STAT5B: variants seen among roughly 807,000 people sequenced by gnomAD.
STAT5B encodes transcription factor STAT5B.
STAT5B carries 21 observed loss-of-function variants against 107.8 expected under a neutral mutation model. That is an observed-to-expected ratio of 0.19 (90% CI 0.14 to 0.28). The LOEUF (loss-of-function observed/expected upper bound fraction) is 0.28. Ranked by LOEUF, STAT5B falls within the 10% of genes least tolerant of loss-of-function variation. STAT5B has a pLI of 1.00. For missense variants in STAT5B, 565 were observed against 1,008.2 expected, an observed-to-expected ratio of 0.56 and a Z score of 5.95; for synonymous variants, 325 against 401.7, an observed-to-expected ratio of 0.81 and a Z score of 2.28.
intron 1 of STAT5B, among the ~76,000 whole-genome samples, chr17:42,245,580 T>A (rs980192690): frequency 2.0e-5 from 3 of 151,882 alleles, no homozygotes; most frequent in Non-Finnish European, 2.9e-5. Flanking sequence ...TGGAGTGTAA[T>A]GGCGCGATCT....
At chr17:42,256,861 CAAAAAAAAAAAAAAAA>C (rs781345676) in intron 1 of STAT5B, among the ~76,000 whole-genome samples, 1 of 44,820 alleles carries the variant, frequency 2.2e-5, no homozygotes, top group African/African-American at 9.4e-5. Flanking sequence ...GACTCTGTCT[CAAAAAAAAAAAAAAAA>C]AAAAAAAAAA....
At position 42,223,481 on chromosome 17, in the gene STAT5B, G is replaced by C; in HGVS notation, c.451C>G (p.Leu151Val). The C allele has an allele frequency of 6.2e-7, 1 of 1,614,174 alleles. No individual in the cohort carries two copies. Among genetic ancestry groups the C allele is most frequent in the Non-Finnish European group, 8.5e-7 (1 of 1,180,042 alleles). Residue 151 changes from leucine (L) to valine (V), a missense_variant, in exon 5 of 19, where the codon CTG (leucine) becomes GTG (valine). This residue lies in a region of STAT5B where 54 missense variants were observed against 49.7 expected (regional missense o/e 1.09). Coordinates refer to ENST00000293328, the MANE Select transcript of STAT5B (RefSeq NM_012448.4). ...HLQINQTFEE[L>V]RLVTQDTENE... is the part of the protein sequence containing the mutation. ...TCTGTGTCCTGCGTGACCAGTCGCA[G>C]CTCCTCAAACGTCTGGTTGATCTGG...
intron 15 of STAT5B, among the ~76,000 whole-genome samples, chr17:42,208,784 T>C (rs1202252864): frequency 6.6e-6 from 1 of 151,764 alleles, no homozygotes; most frequent in Admixed American, 6.6e-5. Flanking sequence ...CAGGCTGGAG[T>C]GCAGTGGCGC....
chr17:42,238,365 G>C (rs2144316741), intron 1 of STAT5B, among the ~76,000 whole-genome samples: 1 of 150,036 alleles, frequency 6.7e-6, no homozygotes, highest in East Asian at 1.9e-4. Context: ...GCCCAGGCTG[G>C]TCTCAAACTC....
At chr17:42,212,543 C>T (rs2080138001) in intron 12 of STAT5B, among the ~76,000 whole-genome samples, 1 of 152,176 alleles carries the variant, frequency 6.6e-6, no homozygotes, top group Non-Finnish European at 1.5e-5. Context: ...AAAGACTGGT[C>T]CTCTAGGTAC....
At chr17:42,221,977 T>A (rs1380579178) in intron 5 of STAT5B, among the ~76,000 whole-genome samples, 1 of 140,546 alleles carries the variant, frequency 7.1e-6, no homozygotes, top group African/African-American at 2.8e-5. Context: ...GTGTGGTGTG[T>A]GTGTGCTGTG....
At chr17:42,240,971 G>C (rs1426403382) in intron 1 of STAT5B, among the ~76,000 whole-genome samples, 1 of 152,190 alleles carries the variant, frequency 6.6e-6, no homozygotes, top group Non-Finnish European at 1.5e-5. Context: ...AAAAGTACAA[G>C]GCAAGGAGCC....
At chr17:42,215,607 T>A (rs1160960162) in intron 12 of STAT5B, among the ~76,000 whole-genome samples, 1 of 152,096 alleles carries the variant, frequency 6.6e-6, no homozygotes, top group African/African-American at 2.4e-5. Flanking sequence ...GAAAACAGCG[T>A]CTTTTTTCCT....
At chr17:42,251,252 G>A (rs988949931) in intron 1 of STAT5B, among the ~76,000 whole-genome samples, 7 of 152,078 alleles carry the variant, frequency 4.6e-5, no homozygotes, top group Non-Finnish European at 2.9e-5. Flanking sequence ...GGAGAATAAC[G>A]AGAACTGTCC....
chr17:42,202,954 T>C lies in STAT5B; in HGVS notation c.2078-146A>G. ...CACAAGCACTTAATATTTTTTTGTT[T>C]TGTTTTTTGAAACAGTCTCACTCTC... On this transcript the variant is annotated intron_variant, in intron 16 of 18. Coordinates refer to ENST00000293328, the MANE Select transcript of STAT5B (RefSeq NM_012448.4). 2.6e-6 allele frequency: 3 copies of C among 1,154,780 alleles called. No homozygotes were observed. In the South Asian group the frequency reaches 3.9e-5, roughly 15 times the overall value. 71.5% of individuals were successfully genotyped at this position (1,154,780 alleles called of 1,614,324 possible).
chr17:42,285,215 G>A, the STAT5B span, among the ~76,000 whole-genome samples: 15 of 151,716 alleles, frequency 9.9e-5, no homozygotes, highest in African/African-American at 3.1e-4. Flanking sequence ...TCAGCCTCCC[G>A]AGTAGCTGGG....
chr17:42,282,459 G>T, the STAT5B span, among the ~76,000 whole-genome samples: 1 of 152,128 alleles, frequency 6.6e-6, no homozygotes, highest in African/African-American at 2.4e-5. Context: ...AAATAGCTGG[G>T]ATTACAGGCA....
chr17:42,285,166 T>G, the STAT5B span, among the ~76,000 whole-genome samples: 2 of 151,690 alleles, frequency 1.3e-5, no homozygotes, highest in East Asian at 3.9e-4. Flanking sequence ...CTCGGCTCAC[T>G]GCAACCTCCG....
chr17:42,262,778 ATATATATACACATATATATGTGTG>A (rs1267142417), intron 1 of STAT5B, among the ~76,000 whole-genome samples: 3 of 131,296 alleles, frequency 2.3e-5, no homozygotes, highest in Non-Finnish European at 4.8e-5. Context: ...ACATATATGT[ATATATATACACATATATATGTGTG>A]TATATATACA....
At position 42,223,369 on chromosome 17, in the gene STAT5B, C is replaced by T. The variant is rs1166149886; in HGVS notation, c.550+13G>A. On this transcript the variant is annotated intron_variant, in intron 5 of 18. Coordinates refer to ENST00000293328, the MANE Select transcript of STAT5B (RefSeq NM_012448.4). ...ATCCTCAAGTTGCACAATGTGCCTC[C>T]ACCGCGCCTCACCTTGGATCCTCAG... 1 of 1,614,048 alleles carries T rather than the reference C, an allele frequency of 6.2e-7. No homozygotes were observed. The highest frequency in any genetic ancestry group is 8.5e-7 in the Non-Finnish European group (1 of 1,180,046).
In STAT5B at chr17:42,200,844, G is replaced by C; in HGVS notation, c.*894C>G. On this transcript the variant is annotated 3_prime_UTR_variant, in exon 19 of 19. Coordinates refer to ENST00000293328, the MANE Select transcript of STAT5B (RefSeq NM_012448.4). ...TGGCTCAGAGAAAGGCTGGGCAGCCGGAACAGCAGCTTCCTGGGTAACCAG... is the reference window on the plus strand; with the variant it reads ...TGGCTCAGAGAAAGGCTGGGCAGCCCGAACAGCAGCTTCCTGGGTAACCAG... 1 of 382,720 alleles carries C rather than the reference G, an allele frequency of 2.6e-6. No individual in the cohort carries two copies. Among genetic ancestry groups the C allele is most frequent in the Non-Finnish European group, 4.6e-6 (1 of 216,340 alleles). The allele number at this position is 382,720 out of a possible 1,614,324, so 23.7% of individuals were successfully genotyped here.
chr17:42,284,702 A>C, the STAT5B span, among the ~76,000 whole-genome samples: 1 of 152,148 alleles, frequency 6.6e-6, no homozygotes, highest in Non-Finnish European at 1.5e-5. Flanking sequence ...ACCGCAGAAA[A>C]ATGGTGGGCT....
Position 42,201,449 on chromosome 17 carries a change from C to A in STAT5B, c.*289G>T. The A allele has an allele frequency of 1.7e-6, 1 of 601,716 alleles. No homozygotes were observed. Among genetic ancestry groups the A allele is most frequent in the East Asian group, 2.7e-5 (1 of 36,484 alleles). 37.3% of individuals were successfully genotyped at this position (601,716 alleles called of 1,614,324 possible). Reference sequence around the variant, plus strand: ...TTGCACAAAGTAAAAACCACCACAGCTTCTGTCTGTGGCCCCTCTGCTACA... The same window carrying A: ...TTGCACAAAGTAAAAACCACCACAGATTCTGTCTGTGGCCCCTCTGCTACA... On this transcript the variant is annotated 3_prime_UTR_variant, in exon 19 of 19. Transcript: ENST00000293328.
At chr17:42,241,165 C>T (rs1217646087) in intron 1 of STAT5B, among the ~76,000 whole-genome samples, 1 of 151,306 alleles carries the variant, frequency 6.6e-6, no homozygotes, top group African/African-American at 2.4e-5. Context: ...ATGGAGAAAC[C>T]CTGTCTCTAC....
Sources: gnomAD v4.1 joint callset for allele counts (sites outside exome capture counted in the v4.1 genomes callset) on GRCh38, gnomAD v4.1.1 for gene constraint, gnomAD v4.1.1 regional missense constraint, MANE v1.5 for transcripts, NCBI Gene and HGNC (gene_info 2026-07-23, HGNC 2026-07-21) for gene names.